Variants in MTUS2 observed in about 807,000 individuals in gnomAD.
MTUS2 encodes microtubule associated scaffold protein 2.
Under a neutral mutation model 114.1 loss-of-function variants are expected in MTUS2, and 40 were observed. That is an observed-to-expected ratio of 0.35 (90% CI 0.27 to 0.46). The LOEUF is 0.46. Ranked by LOEUF, MTUS2 falls within the 20% of genes least tolerant of loss-of-function variation. The pLI is 1.00. For synonymous variants in MTUS2, 688 were observed against 672.0 expected (o/e 1.02, Z -0.37); for missense variants, 1,679 against 1,705.4 (o/e 0.98, Z 0.27).
At chr13:29,141,459 A>G (rs1892216147) in intron 5 of MTUS2, among the ~76,000 whole-genome samples, 1 of 152,174 alleles carries the variant, frequency 6.6e-6, no homozygotes, top group Non-Finnish European at 1.5e-5. Flanking sequence ...AGGTGCAGAT[A>G]ATTCAGTTTG....
Position 29,230,122 on chromosome 13 carries a change from T to A in MTUS2, c.2645-51582T>A, listed in dbSNP as rs988658253. ...TTAGCCGGGCATGGTGGTGGGCACC[T>A]GTAGTTCCAGCTACTCGGGAGGCTG... On this transcript the variant is annotated intron_variant, in intron 5 of 15. Coordinates refer to ENST00000612955, the MANE Select transcript of MTUS2 (RefSeq NM_001033602.4). 3.2e-4 allele frequency among the ~76,000 whole-genome samples: 49 copies of A among 152,134 alleles called. 1 individual carries two copies. The highest frequency in any genetic ancestry group is 8.3e-4 in the South Asian group (4 of 4,832).
Position 29,025,264 on chromosome 13 carries a change from G to A in MTUS2, c.566G>A (p.Ser189Asn), listed in dbSNP as rs745986967. Reference protein sequence around the residue: ...RASSSVAAVGSLTPQHPQPLS... With the variant: ...RASSSVAAVGNLTPQHPQPLS... The stretch of plus-strand genomic sequence containing the variant: ...AGCAGCTCTGTAGCTGCAGTCGGGA[G>A]CCTGACTCCGCAGCATCCACAGCCT... The change falls in exon 3 of 16, where the codon AGC (serine) becomes AAC (asparagine). Residue 189 changes from serine to asparagine, a missense_variant. Around this residue, in one of 3 missense-constraint regions of MTUS2, gnomAD observed 843 missense variants for 770.8 expected, o/e 1.09. Transcript: ENST00000612955. 5 of 1,613,958 alleles carry A rather than the reference G, an allele frequency of 3.1e-6. No homozygotes were observed. In the South Asian group the frequency reaches 4.4e-5, roughly 14 times the overall value.
rs190378753 is a variant in MTUS2, at chr13:29,499,121, T to C, written c.3798+584T>C. 4.0e-4 allele frequency among the ~76,000 whole-genome samples: 61 copies of C among 152,348 alleles called. No homozygotes were observed. In the East Asian group the frequency reaches 0.011, roughly 28 times the overall value. ...GTTCTCTGCCTCCTAATACCATCAC[T>C]TTGGGGGTTAGGTTTCAGCACAGGA... On this transcript the variant is annotated intron_variant, in intron 14 of 15. Transcript: ENST00000612955.
chr13:29,332,952 T>C (rs1245696834), intron 7 of MTUS2, among the ~76,000 whole-genome samples: 5 of 152,028 alleles, frequency 3.3e-5, no homozygotes, highest in Non-Finnish European at 7.4e-5. Context: ...GTTCTTTTAA[T>C]TGTGATGTTA....
rs751809056 is a variant in MTUS2 at position 29,026,254 on chromosome 13, T to C, written c.1556T>C (p.Ile519Thr). ...AACCTTCTAGAGAATGCAGATAAGA[T>C]TGAAAGCACCTCAGCAAGAGCAGAT... ...NRNLLENADK[I>T]ESTSARADSV... Residue 519 changes from isoleucine to threonine, a missense_variant, in exon 3 of 16, where the codon ATT becomes ACT. Physicochemically the swap from Ile to Thr is moderately conservative, Grantham distance 89. Transcript: ENST00000612955. The C allele has an allele frequency of 4.3e-6, 7 of 1,613,904 alleles. No individual in the cohort carries two copies. The highest frequency in any genetic ancestry group is 1.7e-5 in the Admixed American group (1 of 60,014).
chr13:29,063,575 A>G (rs1272028048), intron 4 of MTUS2, among the ~76,000 whole-genome samples: 2 of 152,208 alleles, frequency 1.3e-5, no homozygotes, highest in Non-Finnish European at 2.9e-5. Context: ...AGAGTTTGAC[A>G]TACTGTGTAA....
intron 6 of MTUS2, among the ~76,000 whole-genome samples, chr13:29,300,358 C>T (rs1414230127): frequency 3.3e-5 from 5 of 152,124 alleles, no homozygotes; most frequent in African/African-American, 1.2e-4. Flanking sequence ...ATGTTGCACA[C>T]CTGGTATTTT....
intron 2 of MTUS2, among the ~76,000 whole-genome samples, chr13:28,922,998 G>A (rs1881131695): frequency 6.6e-6 from 1 of 152,068 alleles, no homozygotes; most frequent in African/African-American, 2.4e-5. Context: ...ACCTTTTTCT[G>A]TTGTCGCACA....
intron 5 of MTUS2, among the ~76,000 whole-genome samples, chr13:29,163,680 A>G (rs924272474): frequency 2.6e-5 from 4 of 152,170 alleles, no homozygotes; most frequent in African/African-American, 9.7e-5. Context: ...TCCCACTAGC[A>G]GATCAGGGCT....
intron 2 of MTUS2, among the ~76,000 whole-genome samples, chr13:28,900,993 AT>A (rs1344851229): frequency 6.6e-6 from 1 of 152,204 alleles, no homozygotes; most frequent in Non-Finnish European, 1.5e-5. Flanking sequence ...ACCAGTTTAC[AT>A]TCCCACAGTA....
At chr13:29,124,291 C>T (rs1371061898) in intron 5 of MTUS2, among the ~76,000 whole-genome samples, 3 of 151,866 alleles carry the variant, frequency 2.0e-5, no homozygotes, top group Admixed American at 6.6e-5. Context: ...TAAATCATTA[C>T]AATATAGTGT....
intron 2 of MTUS2, among the ~76,000 whole-genome samples, chr13:28,999,573 A>T (rs1344500090): frequency 6.6e-6 from 1 of 152,238 alleles, no homozygotes; most frequent in African/African-American, 2.4e-5. Context: ...GTAATGATCA[A>T]ATCAGGACAG....
intron 5 of MTUS2, among the ~76,000 whole-genome samples, chr13:29,216,632 C>T (rs1391442438): frequency 6.6e-6 from 1 of 152,184 alleles, no homozygotes; most frequent in South Asian, 2.1e-4. Context: ...CAGCCCCTTG[C>T]ACTTCCCGGG....
chr13:29,175,336 A>G (rs1770287799), intron 5 of MTUS2, among the ~76,000 whole-genome samples: 1 of 152,188 alleles, frequency 6.6e-6, no homozygotes, highest in Admixed American at 6.5e-5. Flanking sequence ...CATTCTATTT[A>G]CTCCCAGGGG....
chr13:29,472,881 T>C (rs1019754635), intron 9 of MTUS2, among the ~76,000 whole-genome samples: 2 of 152,212 alleles, frequency 1.3e-5, no homozygotes, highest in Non-Finnish European at 2.9e-5. Context: ...ACTGAAATGC[T>C]ATGAAGGGAT....
intron 7 of MTUS2, among the ~76,000 whole-genome samples, chr13:29,336,790 A>C (rs565963873): frequency 6.6e-6 from 1 of 152,160 alleles, no homozygotes; most frequent in Admixed American, 6.5e-5. Flanking sequence ...TGGGAATTCT[A>C]TCTATAAGCC....
chr13:29,013,675 G>T (rs1885945369), intron 2 of MTUS2, among the ~76,000 whole-genome samples: 1 of 152,162 alleles, frequency 6.6e-6, no homozygotes, highest in South Asian at 2.1e-4. Context: ...TGTAACTCTG[G>T]CATCACTTAC....
chr13:29,038,758 G>C (rs1469382561), intron 4 of MTUS2, among the ~76,000 whole-genome samples: 1 of 152,274 alleles, frequency 6.6e-6, no homozygotes, highest in Non-Finnish European at 1.5e-5. Flanking sequence ...GAGGAATCTA[G>C]AGAGGCAGTC....
chr13:29,041,676 A>G (rs1887367834), intron 4 of MTUS2, among the ~76,000 whole-genome samples: 1 of 151,334 alleles, frequency 6.6e-6, no homozygotes, highest in Non-Finnish European at 1.5e-5. Flanking sequence ...GTTAGGTGTA[A>G]TATACTCCTG....
Sources: gnomAD v4.1 joint callset for allele counts (sites outside exome capture counted in the v4.1 genomes callset) on GRCh38, gnomAD v4.1.1 for gene constraint, gnomAD v4.1.1 regional missense constraint, MANE v1.5 for transcripts, NCBI Gene and HGNC (gene_info 2026-07-23, HGNC 2026-07-21) for gene names.